The following SNTG1 variants were observed in gnomAD, a reference collection of about 807,000 sequenced individuals.
SNTG1 encodes the protein syntrophin gamma 1, also known as gamma-1-syntrophin.
A neutral mutation model predicts 74.7 loss-of-function variants in SNTG1; 39 were observed. The observed-to-expected ratio is 0.52, with a 90% CI of 0.40 to 0.68. SNTG1 has a LOEUF of 0.68. Ranked by LOEUF, SNTG1 falls within the 30% of genes least tolerant of loss-of-function variation. The probability of loss-of-function intolerance (pLI) is 0.00; values close to 1 mark genes in which losing one functional copy is unlikely to be tolerated. For missense variants in SNTG1, 685 were observed against 609.5 expected, an observed-to-expected ratio of 1.12 and a Z score of -1.30; for synonymous variants, 254 against 217.1, an observed-to-expected ratio of 1.17 and a Z score of -1.49.
chr8:49,978,018 T>C (rs996438959), intron 1 of SNTG1, among the ~76,000 whole-genome samples: 5 of 152,204 alleles, frequency 3.3e-5, no homozygotes, highest in African/African-American at 4.8e-5. Context: ...GGAGGATCAT[T>C]TGTGAATACC....
intron 13 of SNTG1, among the ~76,000 whole-genome samples, chr8:50,611,447 G>A (rs778423863): frequency 6.6e-6 from 1 of 152,060 alleles, no homozygotes; most frequent in South Asian, 2.1e-4. Flanking sequence ...AGCATACTTC[G>A]TAAGTACCAT....
chr8:50,194,343 C>A (rs2083685223), intron 2 of SNTG1, among the ~76,000 whole-genome samples: 1 of 152,034 alleles, frequency 6.6e-6, no homozygotes, highest in Non-Finnish European at 1.5e-5. Flanking sequence ...ATTTCCATCT[C>A]CCTGCTTGAT....
Position 50,438,608 on chromosome 8 carries a change from C to G in SNTG1, c.219+9C>G, listed in dbSNP as rs1246603281. 2 of 1,609,918 alleles carry G rather than the reference C, an allele frequency of 1.2e-6. No homozygotes were observed. Among genetic ancestry groups the G allele is most frequent in the East Asian group, 4.5e-5 (2 of 44,756 alleles). On this transcript the variant is annotated intron_variant, in intron 5 of 18. Transcript: ENST00000642720. ...TTGGATTAAGCATAAAGGTAGCCTG[C>G]CTTTCTAGTCTATCCTTACAAAGGC...
At chr8:50,244,482 T>A (rs1231747523) in intron 2 of SNTG1, among the ~76,000 whole-genome samples, 2 of 152,152 alleles carry the variant, frequency 1.3e-5, no homozygotes, top group Admixed American at 1.3e-4. Context: ...AAAATACAAG[T>A]CATGAGCTTC....
intron 1 of SNTG1, among the ~76,000 whole-genome samples, chr8:50,000,027 G>C (rs1814602267): frequency 6.6e-6 from 1 of 152,094 alleles, no homozygotes; most frequent in African/African-American, 2.4e-5. Context: ...TTCACTACAA[G>C]AGAAATAAAT....
intron 2 of SNTG1, among the ~76,000 whole-genome samples, chr8:50,230,896 A>G (rs1000164483): frequency 4.0e-5 from 6 of 151,304 alleles, no homozygotes; most frequent in African/African-American, 1.5e-4. Flanking sequence ...AAAATAGATA[A>G]GTAATGTTAC....
At chr8:49,927,933 A>G (rs1448989468) in intron 1 of SNTG1, among the ~76,000 whole-genome samples, 4 of 151,862 alleles carry the variant, frequency 2.6e-5, no homozygotes, top group Non-Finnish European at 5.9e-5. Context: ...TAGCCAACAT[A>G]GTAAAACCCC....
intron 2 of SNTG1, among the ~76,000 whole-genome samples, chr8:50,203,450 C>T (rs544972818): frequency 2.2e-4 from 33 of 152,234 alleles, no homozygotes; most frequent in African/African-American, 7.7e-4. Context: ...AAGCCATTAA[C>T]TTTCAGTGCA....
At chr8:50,558,847 T>G (rs1372329964) in intron 12 of SNTG1, among the ~76,000 whole-genome samples, 1 of 152,206 alleles carries the variant, frequency 6.6e-6, no homozygotes, top group Non-Finnish European at 1.5e-5. Flanking sequence ...AAATAAAGAT[T>G]TACTAAAAGA....
intron 1 of SNTG1, among the ~76,000 whole-genome samples, chr8:50,014,746 T>C (rs1816149910): frequency 6.6e-6 from 1 of 152,050 alleles, no homozygotes; most frequent in African/African-American, 2.4e-5. Flanking sequence ...GTTTAAGGTG[T>C]GACTCCTAGG....
intron 1 of SNTG1, among the ~76,000 whole-genome samples, chr8:50,082,949 A>T (rs1055428188): frequency 2.0e-5 from 3 of 152,148 alleles, no homozygotes; most frequent in African/African-American, 7.2e-5. Flanking sequence ...TAATGGAGCC[A>T]CTGACCTCTT....
intron 12 of SNTG1, among the ~76,000 whole-genome samples, chr8:50,566,276 C>T (rs1415789351): frequency 2.0e-5 from 3 of 151,926 alleles, no homozygotes; most frequent in Non-Finnish European, 4.4e-5. Context: ...ACAGATAGGG[C>T]AAATCTGCAT....
chr8:50,135,652 T>C (rs548783345), intron 1 of SNTG1, among the ~76,000 whole-genome samples: 78 of 152,202 alleles, frequency 5.1e-4, no homozygotes, highest in Non-Finnish European at 8.5e-4. Context: ...ATGAATTTTA[T>C]TTCTCTGCTT....
chr8:50,755,644 T>C (rs1250912206), intron 18 of SNTG1, among the ~76,000 whole-genome samples: 4 of 151,928 alleles, frequency 2.6e-5, no homozygotes, highest in South Asian at 2.1e-4. Context: ...CTAGATCATA[T>C]GGTAAAACAG....
At chr8:50,242,627 C>T (rs761541184) in intron 2 of SNTG1, among the ~76,000 whole-genome samples, 1 of 151,084 alleles carries the variant, frequency 6.6e-6, no homozygotes, top group South Asian at 2.1e-4. Flanking sequence ...AATATGTACA[C>T]ATTCCAACTT....
rs530191814 is a variant in SNTG1, at chr8:50,676,837, T to C, written c.1038+18174T>C. Reference sequence around the variant, plus strand: ...TATTCTCACTATTTTTTAAAGATATTTCTAAAACAATGCAAGATTATTATT... The same window carrying C: ...TATTCTCACTATTTTTTAAAGATATCTCTAAAACAATGCAAGATTATTATT... On this transcript the variant is annotated intron_variant, in intron 15 of 18. Transcript: ENST00000642720. 1.4e-4 allele frequency among the ~76,000 whole-genome samples: 22 copies of C among 152,096 alleles called. 1 individual carries two copies. In the South Asian group the frequency reaches 4.6e-3, roughly 31 times the overall value.
intron 2 of SNTG1, among the ~76,000 whole-genome samples, chr8:50,365,088 C>T (rs2092071644): frequency 6.6e-6 from 1 of 152,040 alleles, no homozygotes; most frequent in Non-Finnish European, 1.5e-5. Context: ...CTTGATTTCT[C>T]AAATTTTAGA....
intron 2 of SNTG1, among the ~76,000 whole-genome samples, chr8:50,373,114 T>G (rs924197385): frequency 6.6e-6 from 1 of 152,160 alleles, no homozygotes; most frequent in African/African-American, 2.4e-5. Flanking sequence ...TAAGTAAAAA[T>G]TTTTCCATGT....
At position 50,688,264 on chromosome 8, in the gene SNTG1, G is replaced by T. The variant is rs1486196999; in HGVS notation, c.1039-16336G>T. Among the ~76,000 whole-genome samples the T allele has an allele frequency of 2.0e-5, 3 of 152,134 alleles. No homozygotes were observed. The East Asian group carries it at 5.8e-4, about 29-fold the overall frequency. On this transcript the variant is annotated intron_variant, in intron 15 of 18. Transcript: ENST00000642720. ...GTGCAGAAGCTCTTTAGTTTAATTA[G>T]ATCCCATTTGTCAATTTTGGCTTTT...
Sources: allele counts gnomAD v4.1 joint callset (sites outside exome capture counted in the v4.1 genomes callset), GRCh38; gene constraint gnomAD v4.1.1; transcripts MANE v1.5; gene names NCBI Gene and HGNC (gene_info 2026-07-23, HGNC 2026-07-21).